PCDH9: variants seen among roughly 807,000 people sequenced by gnomAD.
PCDH9 encodes the protein protocadherin 9, also known as protocadherin-9.
PCDH9 carries 24 observed loss-of-function variants against 70.6 expected under a neutral mutation model. The observed-to-expected ratio is 0.34, with a 90% CI of 0.25 to 0.48. The LOEUF is 0.48. PCDH9 is among the 20% of genes least tolerant of loss of function. The pLI, the probability that PCDH9 is intolerant of heterozygous loss-of-function variation, is 0.99. For synonymous variants in PCDH9, 562 were observed against 558.5 expected, an observed-to-expected ratio of 1.01 and a Z score of -0.09; for missense variants, 1,281 against 1,503.6, an observed-to-expected ratio of 0.85 and a Z score of 2.45.
At chr13:66,928,889 T>C (rs2082759540) in intron 2 of PCDH9, among the ~76,000 whole-genome samples, 1 of 152,146 alleles carries the variant, frequency 6.6e-6, no homozygotes, top group South Asian at 2.1e-4. Context: ...TTCCAGTTAA[T>C]AAACTTTCCA....
At chr13:66,674,611 G>A (rs189415536) in intron 3 of PCDH9, among the ~76,000 whole-genome samples, 2 of 151,920 alleles carry the variant, frequency 1.3e-5, no homozygotes, top group African/African-American at 4.8e-5. Flanking sequence ...TCACTAAATG[G>A]GAGGTCCGTC....
intron 3 of PCDH9, among the ~76,000 whole-genome samples, chr13:66,764,223 C>G (rs1032640225): frequency 6.7e-6 from 1 of 149,976 alleles, no homozygotes; most frequent in African/African-American, 2.5e-5. Flanking sequence ...TGATCACACA[C>G]AAACACATAC....
intron 2 of PCDH9, among the ~76,000 whole-genome samples, chr13:67,010,861 C>T (rs989633598): frequency 3.3e-5 from 5 of 151,940 alleles, no homozygotes; most frequent in African/African-American, 1.2e-4. Context: ...TATTTGACTT[C>T]CATTTTTCTG....
intron 3 of PCDH9, among the ~76,000 whole-genome samples, chr13:66,753,052 T>A (rs1359739085): frequency 6.6e-6 from 1 of 152,180 alleles, no homozygotes; most frequent in Non-Finnish European, 1.5e-5. Context: ...GAGATAGTGT[T>A]TGTTTTTCAT....
chr13:66,400,296 A>T (rs1205832411), intron 4 of PCDH9, among the ~76,000 whole-genome samples: 1 of 152,232 alleles, frequency 6.6e-6, no homozygotes, highest in Non-Finnish European at 1.5e-5. Context: ...AAAACTGCTG[A>T]TATGAATGAG....
intron 2 of PCDH9, among the ~76,000 whole-genome samples, chr13:66,976,407 G>C (rs1186171532): frequency 6.6e-6 from 1 of 152,070 alleles, no homozygotes; most frequent in Non-Finnish European, 1.5e-5. Flanking sequence ...GGTATGGTTT[G>C]AGGATTATCT....
At chr13:67,142,843 A>AT (rs1279154640) in intron 2 of PCDH9, among the ~76,000 whole-genome samples, 3 of 73,706 alleles carry the variant, frequency 4.1e-5, no homozygotes, top group East Asian at 1.2e-3. Context: ...TACTAAAAAT[A>AT]CAAAAAAAAA....
At chr13:66,622,517 C>T (rs1484722905) in intron 4 of PCDH9, among the ~76,000 whole-genome samples, 1 of 152,188 alleles carries the variant, frequency 6.6e-6, no homozygotes, top group Non-Finnish European at 1.5e-5. Context: ...CACCAATCAA[C>T]ACCCTGTGTC....
chr13:66,924,556 A>C (rs2082687058), intron 2 of PCDH9, among the ~76,000 whole-genome samples: 1 of 151,788 alleles, frequency 6.6e-6, no homozygotes, highest in Non-Finnish European at 1.5e-5. Context: ...TCTTCATGTA[A>C]AGAACATATA....
chr13:66,987,528 ATATG>A (rs2139789367), intron 2 of PCDH9, among the ~76,000 whole-genome samples: 2 of 152,164 alleles, frequency 1.3e-5, no homozygotes, highest in African/African-American at 4.8e-5. Context: ...ACGTAATGTA[ATATG>A]TATTATATTA....
chr13:67,012,053 C>T (rs564531319), intron 2 of PCDH9, among the ~76,000 whole-genome samples: 1 of 151,994 alleles, frequency 6.6e-6, no homozygotes, highest in East Asian at 1.9e-4. Flanking sequence ...GCAGTAACTT[C>T]TTTCCTTTTC....
chr13:66,765,034 CTCTT>C (rs3042109), intron 3 of PCDH9, among the ~76,000 whole-genome samples: 40,050 of 151,410 alleles, frequency 0.26, 5,830 homozygotes, highest in East Asian at 0.43. Flanking sequence ...TTCGCTCTCT[CTCTT>C]TCTGTGTCTT....
At chr13:67,100,885 A>G (rs938782060) in intron 2 of PCDH9, among the ~76,000 whole-genome samples, 13 of 152,188 alleles carry the variant, frequency 8.5e-5, no homozygotes, top group Non-Finnish European at 1.2e-4. Flanking sequence ...TAGTGCAGAG[A>G]ATAAAAACTG....
chr13:66,792,177 AT>A (rs2080174294), intron 3 of PCDH9, among the ~76,000 whole-genome samples: 1 of 152,182 alleles, frequency 6.6e-6, no homozygotes. Flanking sequence ...TACCTTCGAG[AT>A]TTATTCCAGG....
chr13:66,589,260 T>C (rs2077007005), intron 4 of PCDH9, among the ~76,000 whole-genome samples: 2 of 152,206 alleles, frequency 1.3e-5, no homozygotes, highest in East Asian at 3.9e-4. Context: ...CTGAGAGCTC[T>C]TCAATTACAA....
intron 4 of PCDH9, among the ~76,000 whole-genome samples, chr13:66,587,181 C>T (rs2076974361): frequency 2.0e-5 from 3 of 151,756 alleles, no homozygotes; most frequent in South Asian, 2.1e-4. Context: ...AACTCTAGTC[C>T]CAACTACTCA....
At chr13:66,701,812 A>G (rs928894215) in intron 3 of PCDH9, among the ~76,000 whole-genome samples, 1 of 152,220 alleles carries the variant, frequency 6.6e-6, no homozygotes, top group African/African-American at 2.4e-5. Context: ...AAAAAAATTC[A>G]TTTAATGCTG....
intron 3 of PCDH9, among the ~76,000 whole-genome samples, chr13:66,774,384 G>A (rs908213129): frequency 1.3e-5 from 2 of 151,920 alleles, no homozygotes; most frequent in African/African-American, 4.8e-5. Context: ...CAAACAGATG[G>A]TTTACCATCA....
In PCDH9 at chr13:66,743,311, A is replaced by G. The variant is rs1167981080; in HGVS notation, c.3139-111900T>C. 4.4e-5 allele frequency among the ~76,000 whole-genome samples: 5 copies of G among 112,958 alleles called. No homozygotes were observed. In the East Asian group the frequency reaches 1.4e-3, roughly 33 times the overall value. 74.1% of individuals were successfully genotyped at this position (112,958 alleles called of 152,430 possible). ...TTGAACAATGAGATCACATGGACAC[A>G]TGAAGGGGAATATCACACTCTGGGG... On this transcript the variant is annotated intron_variant, in intron 3 of 4. Transcript: ENST00000377865.
Sources: gnomAD v4.1 joint callset for allele counts (sites outside exome capture counted in the v4.1 genomes callset) on GRCh38, gnomAD v4.1.1 for gene constraint, MANE v1.5 for transcripts, NCBI Gene and HGNC (gene_info 2026-07-23, HGNC 2026-07-21) for gene names.